The following LRP1B variants were observed in gnomAD, a reference collection of about 807,000 sequenced individuals.
LRP1B encodes LDL receptor related protein 1B, also known as low-density lipoprotein receptor-related protein 1B.
Under a neutral mutation model 556.6 loss-of-function variants are expected in LRP1B, and 217 were observed. That is an observed-to-expected ratio of 0.39 (90% CI 0.35 to 0.44). The LOEUF is 0.44. Among genes scored for constraint, LRP1B ranks in the 20% least tolerant of loss-of-function variants. The probability of loss-of-function intolerance (pLI) is 1.00; values close to 1 mark genes in which losing one functional copy is unlikely to be tolerated. For synonymous variants in LRP1B, 2,047 were observed against 1,865.8 expected (o/e 1.10, Z -2.50); for missense variants, 5,053 against 5,620.8 (o/e 0.90, Z 3.23).
chr2:141,833,841 A>G, intron 1 of LRP1B, among the ~76,000 whole-genome samples: 1 of 147,944 alleles, frequency 6.8e-6, no homozygotes, highest in Non-Finnish European at 1.5e-5. Context: ...AAGGGTAGAA[A>G]AAGGCAAAAT....
intron 6 of LRP1B, among the ~76,000 whole-genome samples, chr2:141,205,692 C>G (rs919891165): frequency 6.7e-6 from 1 of 148,190 alleles, no homozygotes; most frequent in African/African-American, 2.5e-5. Flanking sequence ...AATACTCAAG[C>G]TGTAAAACAG....
At chr2:141,226,907 G>T (rs1558945953) in intron 6 of LRP1B, among the ~76,000 whole-genome samples, 1 of 152,074 alleles carries the variant, frequency 6.6e-6, no homozygotes, top group Admixed American at 6.6e-5. Context: ...TTTTTCTAAA[G>T]TGACTATGTA....
chr2:140,397,175 A>T (rs1558854051), intron 66 of LRP1B, among the ~76,000 whole-genome samples: 1 of 151,840 alleles, frequency 6.6e-6, no homozygotes, highest in African/African-American at 2.4e-5. Flanking sequence ...CTTTTTTAAC[A>T]TTTTTTCTAA....
At chr2:140,873,215 A>G (rs557875650) in intron 25 of LRP1B, among the ~76,000 whole-genome samples, 2 of 152,114 alleles carry the variant, frequency 1.3e-5, no homozygotes, top group South Asian at 4.1e-4. Context: ...TAAGGTGTCA[A>G]AATTTGCCAT....
chr2:141,151,007 T>C (rs1701910342), intron 7 of LRP1B, among the ~76,000 whole-genome samples: 1 of 152,060 alleles, frequency 6.6e-6, no homozygotes, highest in Admixed American at 6.6e-5. Context: ...GATATTTAGG[T>C]ACTATTTTAG....
Position 140,700,099 on chromosome 2 carries a change from G to A in LRP1B, c.6799+151C>T, listed in dbSNP as rs201243051. 2 of 633,342 alleles carry A rather than the reference G, an allele frequency of 3.2e-6. 1 individual carries two copies. The highest frequency in any genetic ancestry group is 7.1e-5 in the Admixed American group (2 of 28,234). The allele number at this position is 633,342 out of a possible 1,614,324, so 39.2% of individuals were successfully genotyped here. Reference sequence around the variant, plus strand: ...CTTCTTTGACATTTGGCGGGGGGGTGGGGGGTGAGGGTTAGATGATATAGT... The same window carrying A: ...CTTCTTTGACATTTGGCGGGGGGGTAGGGGGTGAGGGTTAGATGATATAGT... On this transcript the variant is annotated intron_variant, in intron 41 of 90. Transcript: ENST00000389484.
chr2:140,544,729 G>A (rs1209215825), intron 43 of LRP1B, among the ~76,000 whole-genome samples: 1 of 152,004 alleles, frequency 6.6e-6, no homozygotes, highest in Non-Finnish European at 1.5e-5. Flanking sequence ...ACCATTGATG[G>A]GCATTAGGTC....
intron 59 of LRP1B, among the ~76,000 whole-genome samples, chr2:140,484,765 C>T (rs1688397739): frequency 6.6e-6 from 1 of 152,144 alleles, no homozygotes; most frequent in Non-Finnish European, 1.5e-5. Flanking sequence ...TTGAAATCTC[C>T]AGCCTGTGGT....
chr2:141,858,177 T>C (rs1018393279), intron 1 of LRP1B, among the ~76,000 whole-genome samples: 1 of 152,224 alleles, frequency 6.6e-6, no homozygotes, highest in Non-Finnish European at 1.5e-5. Flanking sequence ...TTTTGTGTGC[T>C]TGAATCAAAC....
chr2:140,461,137 A>T (rs548956168), intron 60 of LRP1B, among the ~76,000 whole-genome samples: 1 of 151,996 alleles, frequency 6.6e-6, no homozygotes, highest in East Asian at 1.9e-4. Context: ...GTTTTGGCTT[A>T]ACTGTTGCCT....
At chr2:141,335,283 G>C (rs2105503403) in intron 3 of LRP1B, among the ~76,000 whole-genome samples, 1 of 152,250 alleles carries the variant, frequency 6.6e-6, no homozygotes, top group Middle Eastern at 3.4e-3. Flanking sequence ...GAACAATACT[G>C]TTACATGAGA....
At chr2:141,408,600 TA>T (rs199590263) in intron 3 of LRP1B, among the ~76,000 whole-genome samples, 4 of 151,388 alleles carry the variant, frequency 2.6e-5, no homozygotes, top group South Asian at 2.1e-4. Context: ...AAACAGAGTG[TA>T]AAAAAAAATA....
intron 2 of LRP1B, among the ~76,000 whole-genome samples, chr2:141,772,474 T>C (rs1033128850): frequency 1.3e-5 from 2 of 152,134 alleles, no homozygotes; most frequent in African/African-American, 2.4e-5. Context: ...CAGCATCACA[T>C]AGAATTTGTT....
chr2:140,503,758 A>AT (rs1689292132), intron 53 of LRP1B, among the ~76,000 whole-genome samples: 1 of 151,996 alleles, frequency 6.6e-6, no homozygotes, highest in Non-Finnish European at 1.5e-5. Flanking sequence ...TTTTATAAGA[A>AT]TTTTTTCTAA....
chr2:141,086,874 A>G (rs7575215), intron 7 of LRP1B, among the ~76,000 whole-genome samples: 126,258 of 151,636 alleles, frequency 0.83, 52,870 homozygotes, highest in East Asian at 0.88. Flanking sequence ...ACCAATCACC[A>G]GAAGATTGCT....
intron 2 of LRP1B, among the ~76,000 whole-genome samples, chr2:141,598,752 T>C (rs568219617): frequency 3.3e-5 from 5 of 152,166 alleles, no homozygotes; most frequent in Admixed American, 2.6e-4. Flanking sequence ...ATAAATATGG[T>C]TGATTGATGG....
At position 140,264,702 on chromosome 2, in the gene LRP1B, ATGTGTGTGTGTG is replaced by A. The variant is rs3033314; in HGVS notation, c.13247+5528_13247+5539del. 7.4e-3 allele frequency among the ~76,000 whole-genome samples: 1,109 copies of A among 148,966 alleles called. 12 individuals carry two copies. The highest frequency in any genetic ancestry group is 0.01 in the Middle Eastern group (3 of 292). Reference sequence around the variant, plus strand: ...TGACAAAAAAAAAAATTGTCTATATATGTGTGTGTGTGTGTGTGTGTGTGTGTGTGTGTGTGT... The same window carrying A: ...TGACAAAAAAAAAAATTGTCTATATATGTGTGTGTGTGTGTGTGTGTGTGT... On this transcript the variant is annotated intron_variant, in intron 86 of 90. Coordinates refer to ENST00000389484, the MANE Select transcript of LRP1B (RefSeq NM_018557.3).
chr2:140,574,729 A>C (rs189138364), intron 43 of LRP1B, among the ~76,000 whole-genome samples: 32 of 152,320 alleles, frequency 2.1e-4, no homozygotes, highest in Non-Finnish European at 4.6e-4. Context: ...GCATTCCTTT[A>C]GTCATGTCAG....
At chr2:141,760,612 A>C (rs1694508781) in intron 2 of LRP1B, among the ~76,000 whole-genome samples, 1 of 152,222 alleles carries the variant, frequency 6.6e-6, no homozygotes, top group African/African-American at 2.4e-5. Context: ...CTATACACTT[A>C]ACAAAAGAAA....
Sources: gnomAD v4.1 joint callset for allele counts (sites outside exome capture counted in the v4.1 genomes callset) on GRCh38, gnomAD v4.1.1 for gene constraint, MANE v1.5 for transcripts, NCBI Gene and HGNC (gene_info 2026-07-23, HGNC 2026-07-21) for gene names.